NEBL: variants seen among roughly 807,000 people sequenced by gnomAD.
The protein encoded by NEBL is nebulette, also known as LIM and SH3 protein 2.
A neutral mutation model predicts 140.2 loss-of-function variants in NEBL; 122 were observed. The observed-to-expected ratio is 0.87, with a 90% CI of 0.75 to 1.01. NEBL has a LOEUF of 1.01. Ranked by LOEUF, NEBL falls within the 50% of genes least tolerant of loss-of-function variation. NEBL has a pLI of 0.00. For missense variants in NEBL, 1,365 were observed against 1,231.3 expected (o/e 1.11, Z -1.62); for synonymous variants, 436 against 398.9 (o/e 1.09, Z -1.11).
upstream of NEBL, among the ~76,000 whole-genome samples, chr10:21,177,587 T>C (rs1188520588): frequency 6.6e-6 from 1 of 151,914 alleles, no homozygotes; most frequent in African/African-American, 2.4e-5. Context: ...TGGAGTACAG[T>C]GGCATGATCT....
chr10:21,086,621 T>C (rs1458665439), intron 2 of NEBL, among the ~76,000 whole-genome samples: 2 of 151,942 alleles, frequency 1.3e-5, no homozygotes, highest in African/African-American at 4.8e-5. Context: ...TTACTAAAAA[T>C]ACAAAAATTA....
intron 3 of NEBL, among the ~76,000 whole-genome samples, chr10:21,203,706 C>A (rs573095045): frequency 1.4e-4 from 21 of 152,308 alleles, no homozygotes; most frequent in Admixed American, 9.2e-4. Context: ...TAAAAATACA[C>A]AGATGGCCCC....
intron 2 of NEBL, among the ~76,000 whole-genome samples, chr10:21,096,639 C>A (rs982884012): frequency 8.6e-5 from 13 of 151,910 alleles, no homozygotes; most frequent in African/African-American, 3.1e-4. Context: ...TCAGTTTTCC[C>A]AGTAGCTGGG....
intron 11 of NEBL, among the ~76,000 whole-genome samples, chr10:20,849,376 T>C (rs764024926): frequency 6.6e-6 from 1 of 152,168 alleles, no homozygotes; most frequent in South Asian, 2.1e-4. Context: ...ACGCCGCCTA[T>C]GCTTTGAATG....
At chr10:20,880,237 T>C (rs751521618) in intron 5 of NEBL, among the ~76,000 whole-genome samples, 1 of 152,118 alleles carries the variant, frequency 6.6e-6, no homozygotes, top group Non-Finnish European at 1.5e-5. Flanking sequence ...GGTGGGCACC[T>C]GTAATCCCAG....
At chr10:21,098,578 GT>G (rs1469716078) in intron 2 of NEBL, among the ~76,000 whole-genome samples, 1 of 152,158 alleles carries the variant, frequency 6.6e-6, no homozygotes, top group Non-Finnish European at 1.5e-5. Flanking sequence ...ATAATTTCTT[GT>G]TTCTCAATTC....
chr10:21,157,615 T>G (rs1840386393), intron 2 of NEBL, among the ~76,000 whole-genome samples: 1 of 152,196 alleles, frequency 6.6e-6, no homozygotes, highest in Non-Finnish European at 1.5e-5. Context: ...TTTTATAAAA[T>G]TCTTCAGTTC....
chr10:20,928,436 A>G (rs1440382028), intron 4 of NEBL, among the ~76,000 whole-genome samples: 1 of 152,188 alleles, frequency 6.6e-6, no homozygotes, highest in Non-Finnish European at 1.5e-5. Context: ...GAACTCAGAC[A>G]TATATACAGC....
intron 4 of NEBL, among the ~76,000 whole-genome samples, chr10:20,947,524 T>TC (rs1835227570): frequency 6.6e-6 from 1 of 152,172 alleles, no homozygotes; most frequent in Non-Finnish European, 1.5e-5. Flanking sequence ...TAACTAAATA[T>TC]TTAACTTCTA....
intron 3 of NEBL, among the ~76,000 whole-genome samples, chr10:20,978,862 A>G (rs189218489): frequency 6.6e-6 from 1 of 152,300 alleles, no homozygotes; most frequent in Admixed American, 6.5e-5. Flanking sequence ...ATGTCTCCAT[A>G]TCTACCCCTA....
At chr10:21,216,063 G>A (rs111439058) in intron 3 of NEBL, among the ~76,000 whole-genome samples, 10 of 152,120 alleles carry the variant, frequency 6.6e-5, no homozygotes, top group African/African-American at 1.9e-4. Context: ...TCACAGTTCC[G>A]CCCCTGATTC....
Position 20,812,750 on chromosome 10 carries a change from A to G in NEBL, c.2518+19T>C, listed in dbSNP as rs1320780104. The G allele has an allele frequency of 1.2e-6, 2 of 1,613,666 alleles. No individual in the cohort carries two copies. The highest frequency in any genetic ancestry group is 2.2e-5 in the South Asian group (2 of 91,078). On this transcript the variant is annotated intron_variant, in intron 24 of 27. Coordinates refer to ENST00000377122, the MANE Select transcript of NEBL (RefSeq NM_006393.3). ...TCTTTTCGACCACACACACCGGCCG[A>G]CAAACGCCGTCAGCTTACCAACAAT... is the stretch of plus-strand genomic sequence containing the variant.
intron 3 of NEBL, among the ~76,000 whole-genome samples, chr10:20,989,891 T>A (rs1282106375): frequency 6.6e-6 from 1 of 152,106 alleles, no homozygotes; most frequent in Admixed American, 6.6e-5. Flanking sequence ...AAAAAGAACA[T>A]CTTTATTTTT....
At chr10:21,125,792 G>A (rs772010105) in intron 2 of NEBL, 12 of 1,481,042 alleles carry the variant, frequency 8.1e-6, no homozygotes, top group Non-Finnish European at 1.1e-5. Context: ...TATTGTATAT[G>A]GTATGGTATA....
At chr10:20,872,474 A>G (rs1221547773) in intron 5 of NEBL, among the ~76,000 whole-genome samples, 1 of 152,108 alleles carries the variant, frequency 6.6e-6, no homozygotes, top group African/African-American at 2.4e-5. Context: ...GTCTGAATAT[A>G]TATGGAATGG....
upstream of NEBL, among the ~76,000 whole-genome samples, chr10:21,178,766 C>T (rs963492086): frequency 6.6e-6 from 1 of 152,184 alleles, no homozygotes; most frequent in Non-Finnish European, 1.5e-5. Flanking sequence ...TTATCAAAAG[C>T]ATCTGTAGAT....
At chr10:20,921,962 C>A (rs572143706) in intron 4 of NEBL, among the ~76,000 whole-genome samples, 1 of 152,164 alleles carries the variant, frequency 6.6e-6, no homozygotes, top group African/African-American at 2.4e-5. Context: ...TAGTAATAAA[C>A]CTCACTACAA....
intron 1 of NEBL, among the ~76,000 whole-genome samples, chr10:21,267,596 C>A (rs1486850970): frequency 2.0e-5 from 3 of 152,118 alleles, no homozygotes; most frequent in African/African-American, 7.2e-5. Flanking sequence ...TTGGAGACAC[C>A]CCTCTGGTTG....
At chr10:21,248,094 A>G (rs914368447) in intron 2 of NEBL, 2 of 225,728 alleles carry the variant, frequency 8.9e-6, no homozygotes, top group Admixed American at 4.3e-5. Context: ...TTAACTGATC[A>G]GGGTCTCATT....
Sources: allele counts gnomAD v4.1 joint callset (sites outside exome capture counted in the v4.1 genomes callset), GRCh38; gene constraint gnomAD v4.1.1; transcripts MANE v1.5; gene names NCBI Gene and HGNC (gene_info 2026-07-23, HGNC 2026-07-21).